Variants in SRC observed in about 807,000 individuals in gnomAD.
The protein encoded by SRC is proto-oncogene tyrosine-protein kinase Src.
A neutral mutation model predicts 62.9 loss-of-function variants in SRC; 13 were observed. That is an observed-to-expected ratio of 0.21 (90% CI 0.13 to 0.33). The LOEUF (loss-of-function observed/expected upper bound fraction) is 0.33. Among genes scored for constraint, SRC ranks in the 10% least tolerant of loss-of-function variants. The pLI, the probability that SRC is intolerant of heterozygous loss-of-function variation, is 1.00. For missense variants in SRC, 457 were observed against 737.3 expected (o/e 0.62, Z 4.40); for synonymous variants, 302 against 317.5 (o/e 0.95, Z 0.52).
chr20:37,353,238 G>T (rs1416534459), intron 1 of SRC, among the ~76,000 whole-genome samples: 1 of 152,080 alleles, frequency 6.6e-6, no homozygotes, highest in Non-Finnish European at 1.5e-5. Context: ...GTCATGCCAG[G>T]TGCTCTCTCT....
In SRC at chr20:37,359,992, C is replaced by T. The variant is rs191536921; in HGVS notation, c.-246-5212C>T. On this transcript the variant is annotated intron_variant, in intron 1 of 13. Coordinates refer to ENST00000373578, the MANE Select transcript of SRC (RefSeq NM_198291.3). ...CATAGAATGAACCCCATGAACCCAT[C>T]GCTGAGCCAAGCACCACTACCCATG... Among the ~76,000 whole-genome samples, 746 of 152,032 alleles carry T rather than the reference C, an allele frequency of 4.9e-3. 1 individual carries two copies. Among genetic ancestry groups the T allele is most frequent in the African/African-American group, 0.017 (697 of 41,434 alleles).
intron 2 of SRC, among the ~76,000 whole-genome samples, chr20:37,370,472 G>T (rs1165989631): frequency 6.6e-6 from 1 of 152,220 alleles, no homozygotes; most frequent in Non-Finnish European, 1.5e-5. Flanking sequence ...CTACTTGGGA[G>T]GCTGAGGAAC....
intron 5 of SRC, among the ~76,000 whole-genome samples, chr20:37,390,737 A>G (rs557818319): frequency 2.0e-5 from 3 of 152,052 alleles, no homozygotes; most frequent in Admixed American, 1.3e-4. Context: ...GGAGGGAGAC[A>G]TGCTGACCCT....
In SRC at chr20:37,384,087, G is replaced by A; in HGVS notation, c.-4-63G>A. The A allele has an allele frequency of 1.3e-6, 2 of 1,571,692 alleles. No homozygotes were observed. Among genetic ancestry groups the A allele is most frequent in the African/African-American group, 1.4e-5 (1 of 72,004 alleles). ...TCCCTATCTGTGGAATGGGTGGGAG[G>A]GAGGCCGGCCAAGGGGCCCCGGCAG... On this transcript the variant is annotated intron_variant, in intron 3 of 13. Coordinates refer to ENST00000373578, the MANE Select transcript of SRC (RefSeq NM_198291.3). This position sits in a 1 kb window ranked among gnomAD's most constrained non-coding sequence, Gnocchi z 6.7.
chr20:37,392,937 T>C (rs1317121909), intron 5 of SRC, among the ~76,000 whole-genome samples: 4 of 152,060 alleles, frequency 2.6e-5, no homozygotes, highest in African/African-American at 9.7e-5. Flanking sequence ...CCTGTTGGGC[T>C]CTCGCTCTCT....
At chr20:37,373,436 CGCATATAT>C (rs2070227676) in intron 2 of SRC, among the ~76,000 whole-genome samples, 2 of 94,996 alleles carry the variant, frequency 2.1e-5, no homozygotes, top group Non-Finnish European at 3.9e-5. Context: ...CGTGTATATA[CGCATATAT>C]ACGCATATAT....
intron 1 of SRC, among the ~76,000 whole-genome samples, chr20:37,355,349 C>T (rs1439501729): frequency 2.7e-5 from 4 of 148,954 alleles, no homozygotes; most frequent in South Asian, 2.2e-4. Flanking sequence ...GTTTTAGAAA[C>T]GGAGTGGGTT....
chr20:37,362,686 C>T (rs1023965507), intron 1 of SRC, among the ~76,000 whole-genome samples: 2 of 146,218 alleles, frequency 1.4e-5, no homozygotes, highest in South Asian at 2.4e-4. Flanking sequence ...CTACCCACCC[C>T]GTTACGGGGC....
At chr20:37,385,576 C>T (rs529377816) in intron 4 of SRC, among the ~76,000 whole-genome samples, 96 of 152,060 alleles carry the variant, frequency 6.3e-4, no homozygotes, top group African/African-American at 2.3e-3. Flanking sequence ...GGGGGCCTTT[C>T]TGAGGGGGCA....
chr20:37,393,168 C>G (rs545943652), intron 5 of SRC, among the ~76,000 whole-genome samples: 2 of 152,252 alleles, frequency 1.3e-5, no homozygotes, highest in South Asian at 4.1e-4. Flanking sequence ...CTCACCCCCT[C>G]TGACAGGGCT....
chr20:37,403,816 C>A lies in SRC; in HGVS notation c.*437C>A. 1 of 260,354 alleles carries A rather than the reference C, an allele frequency of 3.8e-6. No individual in the cohort carries two copies. Among genetic ancestry groups the A allele is most frequent in the East Asian group, 5.5e-5 (1 of 18,288 alleles). The allele number at this position is 260,354 out of a possible 1,614,324, so 16.1% of individuals were successfully genotyped here. A position where few individuals can be genotyped will look rare whatever the true frequency, so the allele number is the denominator to read the frequency against. ...AGCCTTTCCAAAGAGGAGCGATGGGCCCCTGGCCCCGCCTGCCTGCCACCC... is the reference window on the plus strand; with the variant it reads ...AGCCTTTCCAAAGAGGAGCGATGGGACCCTGGCCCCGCCTGCCTGCCACCC... On this transcript the variant is annotated 3_prime_UTR_variant, in exon 14 of 14. Transcript: ENST00000373578. The surrounding 1 kb of genome is among the most constrained non-coding windows in gnomAD (Gnocchi z 7.1).
rs1031632282 is a variant in SRC, at chr20:37,403,897, C to T, written c.*518C>T. 1.2e-5 allele frequency: 3 copies of T among 244,384 alleles called. No individual in the cohort carries two copies. Among genetic ancestry groups the T allele is most frequent in the African/African-American group, 2.2e-5 (1 of 45,710 alleles). 15.1% of individuals were successfully genotyped at this position (244,384 alleles called of 1,614,324 possible). ...GTAGGCAGAGGCTGCCGAGACAGAC[C>T]CTCTGCCGCTGCTTCCAGGCTGGGC... is the stretch of plus-strand genomic sequence containing the variant. On this transcript the variant is annotated 3_prime_UTR_variant, in exon 14 of 14. Transcript: ENST00000373578. The surrounding 1 kb of genome is among the most constrained non-coding windows in gnomAD (Gnocchi z 7.1).
Position 37,398,545 on chromosome 20 carries a change from C to T in SRC, c.859+691C>T, listed in dbSNP as rs983721836. ...TCTCCACTCACTCCCACTGCCTCCA[C>T]GTTCCGCCCTCCAGAGGGCTGATGG... On this transcript the variant is annotated intron_variant, in intron 9 of 13. Coordinates refer to ENST00000373578, the MANE Select transcript of SRC (RefSeq NM_198291.3). This position sits in a 1 kb window ranked among gnomAD's most constrained non-coding sequence, Gnocchi z 5.2. 2.0e-5 allele frequency among the ~76,000 whole-genome samples: 3 copies of T among 152,228 alleles called. No homozygotes were observed. The highest frequency in any genetic ancestry group is 1.9e-4 in the East Asian group (1 of 5,196).
chr20:37,403,630 T>C lies in SRC; in HGVS notation c.*251T>C. 1.8e-6 allele frequency: 1 copy of C among 545,264 alleles called. No individual in the cohort carries two copies. The highest frequency in any genetic ancestry group is 3.3e-6 in the Non-Finnish European group (1 of 302,660). 33.8% of individuals were successfully genotyped at this position (545,264 alleles called of 1,614,324 possible). A position where few individuals can be genotyped will look rare whatever the true frequency, so the allele number is the denominator to read the frequency against. Reference sequence around the variant, plus strand: ...CCCGCTGTGGCCGCACGCCTCTCCCTGCACTCCCTCCTGGAGCTCTGTGGG... The same window carrying C: ...CCCGCTGTGGCCGCACGCCTCTCCCCGCACTCCCTCCTGGAGCTCTGTGGG... On this transcript the variant is annotated 3_prime_UTR_variant, in exon 14 of 14. Coordinates refer to ENST00000373578, the MANE Select transcript of SRC (RefSeq NM_198291.3). This position sits in a 1 kb window ranked among gnomAD's most constrained non-coding sequence, Gnocchi z 7.1.
At chr20:37,353,521 A>G (rs1327434140) in intron 1 of SRC, among the ~76,000 whole-genome samples, 1 of 152,118 alleles carries the variant, frequency 6.6e-6, no homozygotes, top group African/African-American at 2.4e-5. Context: ...GCAATGAGCC[A>G]CCGTGAGCCC....
chr20:37,386,153 G>A lies in SRC; in HGVS notation c.329G>A (p.Arg110Gln), dbSNP rs747298865. 7 of 1,614,194 alleles carry A rather than the reference G, an allele frequency of 4.3e-6. No individual in the cohort carries two copies. The highest frequency in any genetic ancestry group is 2.7e-5 in the African/African-American group (2 of 75,034). Residue 110 changes from arginine (R) to glutamine (Q), a missense_variant, in exon 5 of 14, where the codon CGG becomes CAG. By Grantham distance (43) the Arg-to-Gln change is conservative (BLOSUM62 1). This residue lies in a region of SRC where 16 missense variants were observed against 45.7 expected (regional missense o/e 0.35). Transcript: ENST00000373578. ...ETDLSFKKGE[R>Q]LQIVNNTEGD... ...GACCTGTCCTTCAAGAAAGGCGAGCGGCTCCAGATTGTCAACAACACGTGA... is the reference window on the plus strand; with the variant it reads ...GACCTGTCCTTCAAGAAAGGCGAGCAGCTCCAGATTGTCAACAACACGTGA...
At chr20:37,391,523 G>C (rs6124933) in intron 5 of SRC, among the ~76,000 whole-genome samples, 9,960 of 152,152 alleles carry the variant, frequency 0.065, 794 homozygotes, top group East Asian at 0.2. Context: ...TGGGCAAGTC[G>C]CTGCACCTCT....
At chr20:37,359,486 C>G (rs564576910) in intron 1 of SRC, among the ~76,000 whole-genome samples, 2 of 152,196 alleles carry the variant, frequency 1.3e-5, no homozygotes, top group Middle Eastern at 3.4e-3. Context: ...TAGATGGTGG[C>G]CAGGGAAGGC....
rs766227683 is a variant in SRC, at chr20:37,396,183, CTGACTT to C, written c.576_581del (p.Phe194_Asp195del). 6.2e-7 allele frequency: 1 copy of C among 1,613,542 alleles called. No individual in the cohort carries two copies. Among genetic ancestry groups the C allele is most frequent in the East Asian group, 2.2e-5 (1 of 44,876 alleles). On this transcript the variant is annotated inframe_deletion, in exon 8 of 14. Coordinates refer to ENST00000373578, the MANE Select transcript of SRC (RefSeq NM_198291.3). The surrounding 1 kb of genome is among the most constrained non-coding windows in gnomAD (Gnocchi z 6.1). The stretch of plus-strand genomic sequence containing the variant: ...GCAGGTGCCTACTGCCTCTCAGTGT[CTGACTT>C]CGACAACGCCAAGGGCCTCAACGTG...
Sources: allele counts gnomAD v4.1 joint callset (sites outside exome capture counted in the v4.1 genomes callset), GRCh38; gene constraint gnomAD v4.1.1; regional missense constraint gnomAD v4.1.1; non-coding constraint Gnocchi (gnomAD v3.1); transcripts MANE v1.5; gene names NCBI Gene and HGNC (gene_info 2026-07-23, HGNC 2026-07-21).